CADPS2: variants seen among roughly 807,000 people sequenced by gnomAD.
CADPS2 encodes the protein calcium-dependent secretion activator 2.
CADPS2 carries 93 observed loss-of-function variants against 172.5 expected under a neutral mutation model. The ratio of observed to expected loss-of-function variants is 0.54; its 90% CI spans 0.46 to 0.64. The LOEUF (loss-of-function observed/expected upper bound fraction) is 0.64, where lower values mean the gene tolerates loss of function less well. Ranked by LOEUF, CADPS2 falls within the 30% of genes least tolerant of loss-of-function variation. The probability of loss-of-function intolerance (pLI) is 0.00; values close to 1 mark genes in which losing one functional copy is unlikely to be tolerated. For synonymous variants in CADPS2, 546 were observed against 555.2 expected (o/e 0.98, Z 0.23); for missense variants, 1,420 against 1,565.9 (o/e 0.91, Z 1.57).
intron 16 of CADPS2, among the ~76,000 whole-genome samples, chr7:122,441,071 T>C (rs2051286507): frequency 6.6e-6 from 1 of 152,128 alleles, no homozygotes; most frequent in Non-Finnish European, 1.5e-5. Flanking sequence ...AATTCTGAGA[T>C]GAATATTGAA....
chr7:122,866,979 T>C (rs1035133737), intron 1 of CADPS2, among the ~76,000 whole-genome samples: 4 of 152,164 alleles, frequency 2.6e-5, no homozygotes, highest in African/African-American at 7.2e-5. Context: ...CTGCTTTTTA[T>C]AGGAAAAGCT....
intron 14 of CADPS2, among the ~76,000 whole-genome samples, chr7:122,462,655 G>C (rs80171020): frequency 6.6e-6 from 1 of 151,920 alleles, no homozygotes; most frequent in East Asian, 1.9e-4. Context: ...AATATAGAAA[G>C]GCTAACGATG....
chr7:122,325,459 TA>T lies in CADPS2; in HGVS notation c.3717+17del, dbSNP rs746767359. ...TATAGCTTAGTGGGCAATTCATATC[TA>T]AACACATTTTGTTTACCTTCACAAT... On this transcript the variant is annotated intron_variant, in intron 29 of 29. Coordinates refer to ENST00000449022, the MANE Select transcript of CADPS2 (RefSeq NM_017954.11). 9.2e-6 allele frequency: 14 copies of T among 1,526,972 alleles called. No individual in the cohort carries two copies. In the South Asian group the frequency reaches 1.6e-4, roughly 18 times the overall value. The allele number at this position is 1,526,972 out of a possible 1,614,324, so 94.6% of individuals were successfully genotyped here. A position where few individuals can be genotyped will look rare whatever the true frequency, so the allele number is the denominator to read the frequency against.
chr7:122,879,735 T>C (rs1400845233), intron 1 of CADPS2, among the ~76,000 whole-genome samples: 2 of 152,058 alleles, frequency 1.3e-5, no homozygotes, highest in Non-Finnish European at 1.5e-5. Context: ...CATCACTAAC[T>C]TGAAGGTATA....
At chr7:122,640,510 G>GAA (rs1260106334) in intron 3 of CADPS2, among the ~76,000 whole-genome samples, 2 of 137,522 alleles carry the variant, frequency 1.5e-5, no homozygotes, top group East Asian at 2.1e-4. Flanking sequence ...GAGAGAGAGA[G>GAA]AGAAAAAAAA....
intron 3 of CADPS2, among the ~76,000 whole-genome samples, chr7:122,638,174 T>C (rs2077256456): frequency 6.6e-6 from 1 of 152,166 alleles, no homozygotes; most frequent in South Asian, 2.1e-4. Flanking sequence ...TTCTGGGCTA[T>C]AGAGCTCCCT....
At chr7:122,864,421 A>G (rs1204469141) in intron 1 of CADPS2, among the ~76,000 whole-genome samples, 2 of 152,148 alleles carry the variant, frequency 1.3e-5, no homozygotes, top group Admixed American at 1.3e-4. Context: ...TCAAGGCTTC[A>G]GTAAGTCATG....
chr7:122,546,261 A>G (rs1043211806), intron 8 of CADPS2, among the ~76,000 whole-genome samples: 2 of 152,172 alleles, frequency 1.3e-5, no homozygotes, highest in Non-Finnish European at 2.9e-5. Flanking sequence ...AGTGCTTCAG[A>G]TACAGTCTAC....
At chr7:122,503,943 G>A (rs2059416193) in intron 9 of CADPS2, among the ~76,000 whole-genome samples, 1 of 152,134 alleles carries the variant, frequency 6.6e-6, no homozygotes, top group Non-Finnish European at 1.5e-5. Flanking sequence ...GACATTAAAA[G>A]CATTCTATTT....
At chr7:122,659,536 A>G (rs974701608) in intron 3 of CADPS2, among the ~76,000 whole-genome samples, 8 of 152,138 alleles carry the variant, frequency 5.3e-5, no homozygotes, top group Admixed American at 5.2e-4. Context: ...ACATATCTAG[A>G]ATACCAGAAA....
At chr7:122,610,718 T>TG (rs773135358) in intron 6 of CADPS2, among the ~76,000 whole-genome samples, 3 of 152,018 alleles carry the variant, frequency 2.0e-5, no homozygotes, top group Non-Finnish European at 4.4e-5. Context: ...GAAGATTATG[T>TG]GGGGAAAAAA....
chr7:122,800,611 A>T (rs532928820), intron 1 of CADPS2, among the ~76,000 whole-genome samples: 9 of 152,320 alleles, frequency 5.9e-5, no homozygotes, highest in African/African-American at 2.2e-4. Flanking sequence ...ATGAAGTAAA[A>T]AAAAGGAACC....
intron 2 of CADPS2, chr7:122,698,094 T>A (rs1361439416): frequency 6.2e-7 from 1 of 1,614,016 alleles, no homozygotes; most frequent in Middle Eastern, 1.6e-4. Context: ...GGAAAAAATG[T>A]TTACAAGTCA....
chr7:122,337,007 C>T (rs2150888485), intron 28 of CADPS2, among the ~76,000 whole-genome samples: 1 of 152,244 alleles, frequency 6.6e-6, no homozygotes, highest in Middle Eastern at 3.4e-3. Context: ...ATGGCAGGAA[C>T]ATTTTTCTTA....
At chr7:122,729,900 TG>T (rs1332569307) in intron 2 of CADPS2, among the ~76,000 whole-genome samples, 1 of 151,568 alleles carries the variant, frequency 6.6e-6, no homozygotes, top group Non-Finnish European at 1.5e-5. Context: ...GGAAGTATGA[TG>T]TAAATCATTG....
chr7:122,404,830 A>T (rs2046435509), intron 20 of CADPS2, among the ~76,000 whole-genome samples: 1 of 152,200 alleles, frequency 6.6e-6, no homozygotes. Flanking sequence ...AGTGTTAAAA[A>T]ATATCTTACA....
intron 2 of CADPS2, among the ~76,000 whole-genome samples, chr7:122,729,768 A>C (rs1053588900): frequency 4.0e-5 from 6 of 149,634 alleles, no homozygotes; most frequent in African/African-American, 9.8e-5. Context: ...ACAGATAGGG[A>C]AACAGTTCCA....
At chr7:122,723,997 G>T (rs1257371827) in intron 2 of CADPS2, among the ~76,000 whole-genome samples, 5 of 146,004 alleles carry the variant, frequency 3.4e-5, no homozygotes, top group Non-Finnish European at 7.5e-5. Context: ...ATGGACACAG[G>T]AAGAGGAACA....
chr7:122,441,491 T>C (rs1247055970), intron 16 of CADPS2, 21 bp downstream of exon 16: 4 of 1,488,004 alleles, frequency 2.7e-6, no homozygotes, highest in Non-Finnish European at 3.6e-6. Context: ...ATAGTATTTA[T>C]AAAGTAATGT....
Sources: allele counts gnomAD v4.1 joint callset (sites outside exome capture counted in the v4.1 genomes callset), GRCh38; gene constraint gnomAD v4.1.1; transcripts MANE v1.5; gene names NCBI Gene and HGNC (gene_info 2026-07-23, HGNC 2026-07-21).